RABGAP1L: variants seen among roughly 807,000 people sequenced by gnomAD.
The protein encoded by RABGAP1L is rab GTPase-activating protein 1-like.
RABGAP1L carries 63 observed loss-of-function variants against 137.7 expected under a neutral mutation model. The ratio of observed to expected loss-of-function variants is 0.46; its 90% CI spans 0.37 to 0.56. The LOEUF (loss-of-function observed/expected upper bound fraction) is 0.56. Ranked by LOEUF, RABGAP1L falls within the 20% of genes least tolerant of loss-of-function variation. The pLI is 0.00. For missense variants in RABGAP1L, 1,095 were observed against 1,244.0 expected (o/e 0.88, Z 1.80); for synonymous variants, 431 against 433.7 (o/e 0.99, Z 0.08).
At chr1:174,247,209 A>C (rs1286588209) in intron 5 of RABGAP1L, among the ~76,000 whole-genome samples, 1 of 152,204 alleles carries the variant, frequency 6.6e-6, no homozygotes, top group East Asian at 1.9e-4. Flanking sequence ...GAAAAAGAAG[A>C]GATGAGAAAG....
At chr1:174,800,345 G>A (rs1328221985) in intron 18 of RABGAP1L, 6 of 1,550,152 alleles carry the variant, frequency 3.9e-6, no homozygotes, top group Admixed American at 2.0e-5. Context: ...GGAAGAAGGG[G>A]TGCCCTGCCC....
At chr1:174,307,021 C>T (rs1678335236) in intron 11 of RABGAP1L, among the ~76,000 whole-genome samples, 1 of 151,970 alleles carries the variant, frequency 6.6e-6, no homozygotes, top group Non-Finnish European at 1.5e-5. Context: ...TTATTTAGTG[C>T]TTACTATATG....
At chr1:174,232,537 A>G (rs1670758334) in intron 4 of RABGAP1L, among the ~76,000 whole-genome samples, 1 of 151,522 alleles carries the variant, frequency 6.6e-6, no homozygotes, top group South Asian at 2.1e-4. Flanking sequence ...TAATCCCAGC[A>G]CTTTGGAAGG....
chr1:174,416,900 A>C (rs1650662289), intron 13 of RABGAP1L, among the ~76,000 whole-genome samples: 1 of 152,142 alleles, frequency 6.6e-6, no homozygotes, highest in Non-Finnish European at 1.5e-5. Context: ...TTCTTAATTT[A>C]CCAAACGGGA....
At position 174,598,326 on chromosome 1, in the gene RABGAP1L, C is replaced by CA. The variant is rs35838560; in HGVS notation, c.1711-39028dup. Reference sequence around the variant, plus strand: ...CTGGCAGCAGAGTGAGACTCTGTCTCAAAAAAAAAAAAAAAAAAAAATGGT... The same window carrying CA: ...CTGGCAGCAGAGTGAGACTCTGTCTCAAAAAAAAAAAAAAAAAAAAAATGGT... On this transcript the variant is annotated intron_variant, in intron 13 of 25. Coordinates refer to ENST00000681986, the MANE Select transcript of RABGAP1L (RefSeq NM_001366446.1). Among the ~76,000 whole-genome samples, 553 of 68,422 alleles carry CA rather than the reference C, an allele frequency of 8.1e-3. 5 individuals are homozygous for CA. Among genetic ancestry groups the CA allele is most frequent in the Admixed American group, 0.021 (134 of 6,530 alleles). The allele number at this position is 68,422 out of a possible 152,430, so 44.9% of individuals were successfully genotyped here.
chr1:174,481,803 A>G (rs562295863), intron 13 of RABGAP1L, among the ~76,000 whole-genome samples: 3 of 152,094 alleles, frequency 2.0e-5, no homozygotes, highest in South Asian at 2.1e-4. Context: ...GCAGCGCACC[A>G]GCATGGCACA....
At chr1:174,690,829 CTTTTT>C (rs572724291) in intron 15 of RABGAP1L, among the ~76,000 whole-genome samples, 2 of 116,934 alleles carry the variant, frequency 1.7e-5, no homozygotes, top group African/African-American at 3.2e-5. Flanking sequence ...CAGCATTCAT[CTTTTT>C]TTTTTTTTTT....
chr1:174,414,640 G>T (rs1248583947), intron 13 of RABGAP1L, among the ~76,000 whole-genome samples: 5 of 151,950 alleles, frequency 3.3e-5, no homozygotes, highest in Non-Finnish European at 7.4e-5. Context: ...AATTGTCTGT[G>T]GCACTGTAAT....
At chr1:174,702,381 C>T in intron 17 of RABGAP1L, 125 bp downstream of exon 17, 1 of 722,862 alleles carries the variant, frequency 1.4e-6, no homozygotes, top group Admixed American at 3.7e-5. Flanking sequence ...GACCAAAAAG[C>T]TGTATTTGAA....
At chr1:174,641,256 A>G (rs1264966643) in intron 14 of RABGAP1L, among the ~76,000 whole-genome samples, 3 of 151,998 alleles carry the variant, frequency 2.0e-5, no homozygotes, top group Non-Finnish European at 4.4e-5. Context: ...AAATGATTTG[A>G]ACTGTCACAT....
intron 14 of RABGAP1L, among the ~76,000 whole-genome samples, chr1:174,639,219 A>C (rs1017117718): frequency 1.3e-5 from 2 of 151,798 alleles, no homozygotes; most frequent in Admixed American, 1.3e-4. Context: ...ATTTTGGAGG[A>C]TTATAAATAT....
chr1:174,505,836 GAT>G (rs1661765397), intron 13 of RABGAP1L, among the ~76,000 whole-genome samples: 1 of 152,134 alleles, frequency 6.6e-6, no homozygotes, highest in South Asian at 2.1e-4. Flanking sequence ...ATGTCAAAGA[GAT>G]ATTTTCATTC....
At chr1:174,638,074 C>T (rs1279354333) in intron 14 of RABGAP1L, among the ~76,000 whole-genome samples, 5 of 152,006 alleles carry the variant, frequency 3.3e-5, no homozygotes, top group Admixed American at 2.0e-4. Flanking sequence ...TATAGAATAG[C>T]CATCAAGTTA....
At chr1:174,674,134 A>G (rs1677398694) in intron 14 of RABGAP1L, among the ~76,000 whole-genome samples, 1 of 150,890 alleles carries the variant, frequency 6.6e-6, no homozygotes, top group Admixed American at 6.6e-5. Context: ...CATGTGCACA[A>G]TGTACAGGTT....
At chr1:174,385,131 G>C (rs1392870796) in intron 12 of RABGAP1L, among the ~76,000 whole-genome samples, 6 of 152,214 alleles carry the variant, frequency 3.9e-5, no homozygotes, top group Non-Finnish European at 7.3e-5. Flanking sequence ...CAGATTAGGA[G>C]AATGCTATTG....
intron 19 of RABGAP1L, among the ~76,000 whole-genome samples, chr1:174,828,478 C>A (rs899869725): frequency 6.8e-6 from 1 of 147,870 alleles, no homozygotes; most frequent in Admixed American, 6.8e-5. Flanking sequence ...TGCTTTCTGT[C>A]TGTGGAGTGC....
At chr1:174,361,485 G>A (rs1684142023) in intron 11 of RABGAP1L, among the ~76,000 whole-genome samples, 1 of 151,898 alleles carries the variant, frequency 6.6e-6, no homozygotes, top group Admixed American at 6.6e-5. Flanking sequence ...TTTTATTATA[G>A]AGATCTTTCA....
At chr1:174,653,647 C>G (rs1675736971) in intron 14 of RABGAP1L, among the ~76,000 whole-genome samples, 1 of 152,222 alleles carries the variant, frequency 6.6e-6, no homozygotes, top group Non-Finnish European at 1.5e-5. Flanking sequence ...GTTGGAAACG[C>G]AGAAATCACC....
intron 23 of RABGAP1L, among the ~76,000 whole-genome samples, chr1:174,981,748 T>G (rs1671151276): frequency 6.6e-6 from 1 of 151,942 alleles, no homozygotes; most frequent in African/African-American, 2.4e-5. Context: ...CAATACTTAT[T>G]TATCTAGATT....
Sources: gnomAD v4.1 joint callset for allele counts (sites outside exome capture counted in the v4.1 genomes callset) on GRCh38, gnomAD v4.1.1 for gene constraint, MANE v1.5 for transcripts, NCBI Gene and HGNC (gene_info 2026-07-23, HGNC 2026-07-21) for gene names.